IQCH: variants seen among roughly 807,000 people sequenced by gnomAD.
IQCH encodes the protein IQ domain-containing protein H.
Under a neutral mutation model 117.0 loss-of-function variants are expected in IQCH, and 98 were observed. That is an observed-to-expected ratio of 0.84 (90% confidence interval 0.71 to 0.99). IQCH has a LOEUF of 0.99. Ranked by LOEUF, IQCH falls within the 50% of genes least tolerant of loss-of-function variation. The probability of loss-of-function intolerance (pLI) is 0.00; values close to 1 mark genes in which losing one functional copy is unlikely to be tolerated. For synonymous variants in IQCH, 412 were observed against 448.2 expected (o/e 0.92, Z 1.02); for missense variants, 1,102 against 1,243.8 (o/e 0.89, Z 1.72).
intron 16 of IQCH, among the ~76,000 whole-genome samples, chr15:67,448,282 G>C (rs1220186721): frequency 6.6e-6 from 1 of 151,752 alleles, no homozygotes; most frequent in Non-Finnish European, 1.5e-5. Flanking sequence ...ATGCAGGTTT[G>C]TTACATATGT....
chr15:67,271,824 T>C (rs1221936622), intron 3 of IQCH, among the ~76,000 whole-genome samples: 1 of 152,148 alleles, frequency 6.6e-6, no homozygotes, highest in African/African-American at 2.4e-5. Context: ...TTTTTCTTAG[T>C]CTAGCTAAAG....
At position 67,477,081 on chromosome 15, in the gene IQCH, T is replaced by G. The variant is rs549034754; in HGVS notation, c.2799+1263T>G. Among the ~76,000 whole-genome samples, 15 of 129,368 alleles carry G rather than the reference T, an allele frequency of 1.2e-4. No homozygotes were observed. The East Asian group carries it at 3.5e-3, about 30-fold the overall frequency. The allele number at this position is 129,368 out of a possible 152,430, so 84.9% of individuals were successfully genotyped here. On this transcript the variant is annotated intron_variant, in intron 18 of 20. Coordinates refer to ENST00000335894, the MANE Select transcript of IQCH (RefSeq NM_001031715.3). ...TTTTTTTTTTTTTTGAGACAGAGTC[T>G]CATTCTGTCACCAGGCTGGAGTGCA...
chr15:67,501,009 T>A lies in IQCH; in HGVS notation c.*263T>A. ...TCTTCTCAAACTCAGAAAAAAGTAA[T>A]CTGATAAAAGAAGAAAGTTAAAAGT... On this transcript the variant is annotated 3_prime_UTR_variant, in exon 21 of 21. Coordinates refer to ENST00000335894, the MANE Select transcript of IQCH (RefSeq NM_001031715.3). The surrounding 1 kb of genome is among the most constrained non-coding windows in gnomAD (Gnocchi z 5.2). 4.4e-6 allele frequency: 1 copy of A among 229,192 alleles called. No individual in the cohort carries two copies. The allele number at this position is 229,192 out of a possible 1,614,324, so 14.2% of individuals were successfully genotyped here.
intron 4 of IQCH, among the ~76,000 whole-genome samples, chr15:67,303,401 C>T (rs1306454209): frequency 6.6e-6 from 1 of 152,048 alleles, no homozygotes; most frequent in East Asian, 1.9e-4. Flanking sequence ...CTGAATTGTA[C>T]ACTTTAAAGG....
In IQCH at chr15:67,465,026, T is replaced by G; in HGVS notation, c.2506-101T>G. 9.5e-7 allele frequency: 1 copy of G among 1,057,406 alleles called. No homozygotes were observed. Among genetic ancestry groups the G allele is most frequent in the Non-Finnish European group, 1.4e-6 (1 of 712,372 alleles). 65.5% of individuals were successfully genotyped at this position (1,057,406 alleles called of 1,614,324 possible). On this transcript the variant is annotated intron_variant, in intron 16 of 20. Coordinates refer to ENST00000335894, the MANE Select transcript of IQCH (RefSeq NM_001031715.3). This position sits in a 1 kb window ranked among gnomAD's most constrained non-coding sequence, Gnocchi z 5.9. ...TCCATTAAGACACATGGTCACTGGT[T>G]TCACTTAGTCTGATGTAGTTTGGTC...
chr15:67,264,203 T>C (rs1038515716), intron 3 of IQCH, among the ~76,000 whole-genome samples: 1 of 152,256 alleles, frequency 6.6e-6, no homozygotes, highest in African/African-American at 2.4e-5. Context: ...TACCTGGACC[T>C]CCTTGCAGAC....
At chr15:67,274,282 C>T (rs567745429) in intron 3 of IQCH, among the ~76,000 whole-genome samples, 69 of 152,276 alleles carry the variant, frequency 4.5e-4, no homozygotes, top group African/African-American at 1.6e-3. Context: ...TCAACTCTCT[C>T]TTGAACATCA....
chr15:67,379,595 G>C (rs1198273914), intron 10 of IQCH, among the ~76,000 whole-genome samples: 2 of 152,142 alleles, frequency 1.3e-5, no homozygotes, highest in African/African-American at 4.8e-5. Context: ...TGTTGGAGGA[G>C]GGGCCTGGTG....
intron 4 of IQCH, among the ~76,000 whole-genome samples, chr15:67,333,948 C>T (rs1350353055): frequency 6.6e-6 from 1 of 151,906 alleles, no homozygotes; most frequent in African/African-American, 2.4e-5. Flanking sequence ...GTCCCAGCTA[C>T]CTGGGAGGCT....
intron 10 of IQCH, among the ~76,000 whole-genome samples, chr15:67,379,010 CAAT>C (rs1174616266): frequency 2.0e-5 from 3 of 151,996 alleles, no homozygotes; most frequent in Non-Finnish European, 2.9e-5. Context: ...TTTAAAATAA[CAAT>C]AATAAGCCCA....
At chr15:67,312,475 ATATCCTAAAAACCCTGTATTCTT>A (rs1479552287) in intron 4 of IQCH, among the ~76,000 whole-genome samples, 7 of 152,158 alleles carry the variant, frequency 4.6e-5, no homozygotes, top group Non-Finnish European at 8.8e-5. Flanking sequence ...GAACAGAGAA[ATATCCTAAAAACCCTGTATTCTT>A]TATGGGTGAA....
intron 19 of IQCH, among the ~76,000 whole-genome samples, chr15:67,492,408 G>C (rs1429100935): frequency 6.6e-6 from 1 of 152,174 alleles, no homozygotes; most frequent in Non-Finnish European, 1.5e-5. Flanking sequence ...GCTGGGAGAG[G>C]TGAGCTCCCT....
At chr15:67,272,318 T>G (rs1237901031) in intron 3 of IQCH, among the ~76,000 whole-genome samples, 1 of 152,222 alleles carries the variant, frequency 6.6e-6, no homozygotes, top group Non-Finnish European at 1.5e-5. Context: ...AGATGTGTTT[T>G]GTGGCCTAAG....
intron 1 of IQCH, among the ~76,000 whole-genome samples, chr15:67,259,818 C>T (rs932804160): frequency 1.3e-5 from 2 of 152,182 alleles, no homozygotes; most frequent in African/African-American, 2.4e-5. Context: ...TTGGACAAAA[C>T]AATAGAAAGA....
At chr15:67,314,414 G>A (rs1967747683) in intron 4 of IQCH, among the ~76,000 whole-genome samples, 2 of 146,466 alleles carry the variant, frequency 1.4e-5, no homozygotes, top group South Asian at 4.3e-4. Context: ...ATGCCCAAGA[G>A]ACTATCTTAA....
intron 3 of IQCH, among the ~76,000 whole-genome samples, chr15:67,269,479 C>A (rs1965811679): frequency 6.6e-6 from 1 of 152,120 alleles, no homozygotes; most frequent in Non-Finnish European, 1.5e-5. Flanking sequence ...CTTATTTTTT[C>A]TTTAAGCTAG....
At position 67,395,258 on chromosome 15, in the gene IQCH, C is replaced by A. The variant is rs2140854896; in HGVS notation, c.1633-33C>A. The A allele has an allele frequency of 1.9e-6, 3 of 1,593,794 alleles. No homozygotes were observed. Among genetic ancestry groups the A allele is most frequent in the South Asian group, 1.1e-5 (1 of 88,916 alleles). On this transcript the variant is annotated intron_variant, in intron 12 of 20. Coordinates refer to ENST00000335894, the MANE Select transcript of IQCH (RefSeq NM_001031715.3). This position sits in a 1 kb window ranked among gnomAD's most constrained non-coding sequence, Gnocchi z 4.0. ...GGTGTATGGACTAGAAAAAAGGACACCTTTTAACAAGAATAATATGATCTT... is the reference window on the plus strand; with the variant it reads ...GGTGTATGGACTAGAAAAAAGGACAACTTTTAACAAGAATAATATGATCTT...
chr15:67,308,368 A>C (rs910233170), intron 4 of IQCH, among the ~76,000 whole-genome samples: 2 of 152,200 alleles, frequency 1.3e-5, no homozygotes, highest in Admixed American at 6.6e-5. Flanking sequence ...CAGTTTAAAA[A>C]GAAAATGTTG....
intron 16 of IQCH, among the ~76,000 whole-genome samples, chr15:67,460,505 C>T (rs2082765512): frequency 6.6e-6 from 1 of 152,184 alleles, no homozygotes; most frequent in African/African-American, 2.4e-5. Flanking sequence ...TTGGATGTGT[C>T]ATAGTCTTTT....
Sources: gnomAD v4.1 joint callset for allele counts (sites outside exome capture counted in the v4.1 genomes callset) on GRCh38, gnomAD v4.1.1 for gene constraint, Gnocchi (gnomAD v3.1) non-coding constraint, MANE v1.5 for transcripts, NCBI Gene and HGNC (gene_info 2026-07-23, HGNC 2026-07-21) for gene names.